ERBB4: variants seen among roughly 807,000 people sequenced by gnomAD.
ERBB4 encodes erb-b2 receptor tyrosine kinase 4.
Under a neutral mutation model 158.0 loss-of-function variants are expected in ERBB4, and 42 were observed. The observed-to-expected ratio is 0.27, with a 90% CI of 0.21 to 0.34. ERBB4 has a LOEUF of 0.34. ERBB4 is among the 10% of genes least tolerant of loss of function. The pLI is 1.00. For missense variants in ERBB4, 1,333 were observed against 1,624.1 expected (o/e 0.82, Z 3.08); for synonymous variants, 583 against 558.7 (o/e 1.04, Z -0.61).
rs1231417540 is a variant in ERBB4, at chr2:212,112,016, T to A, written c.234+12736A>T. On this transcript the variant is annotated intron_variant, in intron 2 of 27. Coordinates refer to ENST00000342788, the MANE Select transcript of ERBB4 (RefSeq NM_005235.3). ...ACATCTGCTGAATGTTTAATTCTTTTTTATTTTTATTTTATTTTAGAAACA... is the reference window on the plus strand; with the variant it reads ...ACATCTGCTGAATGTTTAATTCTTTATTATTTTTATTTTATTTTAGAAACA... 2.6e-5 allele frequency among the ~76,000 whole-genome samples: 4 copies of A among 152,170 alleles called. No homozygotes were observed. In the East Asian group the frequency reaches 7.7e-4, roughly 29 times the overall value.
chr2:211,441,727 T>C (rs1045199075), intron 20 of ERBB4, among the ~76,000 whole-genome samples: 5 of 152,132 alleles, frequency 3.3e-5, no homozygotes, highest in Admixed American at 2.0e-4. Flanking sequence ...CTCCTTACCA[T>C]GTCAGTGCTC....
chr2:212,306,047 T>C (rs1465787833), intron 1 of ERBB4, among the ~76,000 whole-genome samples: 1 of 151,486 alleles, frequency 6.6e-6, no homozygotes, highest in Non-Finnish European at 1.5e-5. Flanking sequence ...AAGTTGTCAA[T>C]ATTATATTCG....
intron 12 of ERBB4, among the ~76,000 whole-genome samples, chr2:211,693,129 G>A (rs1340159388): frequency 1.3e-5 from 2 of 152,128 alleles, no homozygotes; most frequent in East Asian, 1.9e-4. Context: ...ATAGGAGGAG[G>A]TGAGAGGCAG....
intron 2 of ERBB4, among the ~76,000 whole-genome samples, chr2:211,991,814 C>T (rs12987596): frequency 0.4 from 60,011 of 151,828 alleles, 11,930 homozygotes; most frequent in Admixed American, 0.46. Context: ...ATGTGCCTGG[C>T]GTCTGGATTT....
chr2:211,673,707 T>C (rs1189068058), intron 13 of ERBB4, among the ~76,000 whole-genome samples: 2 of 152,018 alleles, frequency 1.3e-5, no homozygotes, highest in Non-Finnish European at 2.9e-5. Flanking sequence ...TCCCAATCCT[T>C]GTCCTTCAAA....
intron 1 of ERBB4, among the ~76,000 whole-genome samples, chr2:212,273,761 A>G (rs1251554647): frequency 6.6e-6 from 1 of 151,794 alleles, no homozygotes; most frequent in African/African-American, 2.4e-5. Flanking sequence ...TATAAACTTC[A>G]CACCTTTGTA....
At chr2:211,653,842 T>C (rs745940832) in intron 16 of ERBB4, among the ~76,000 whole-genome samples, 7 of 151,726 alleles carry the variant, frequency 4.6e-5, no homozygotes, top group Non-Finnish European at 8.8e-5. Context: ...GCCCGGCTAA[T>C]TTTTTGTATT....
chr2:212,076,663 C>T (rs2078283307), intron 2 of ERBB4, among the ~76,000 whole-genome samples: 2 of 151,534 alleles, frequency 1.3e-5, no homozygotes, highest in East Asian at 3.9e-4. Context: ...TCACAGTTGG[C>T]AGGGTAAGAG....
At chr2:212,317,863 T>C (rs1421328738) in intron 1 of ERBB4, among the ~76,000 whole-genome samples, 2 of 151,368 alleles carry the variant, frequency 1.3e-5, no homozygotes, top group Non-Finnish European at 3.0e-5. Context: ...AATTAACCTA[T>C]GGAAAAAGAA....
intron 20 of ERBB4, among the ~76,000 whole-genome samples, chr2:211,498,825 C>A (rs990275568): frequency 2.0e-5 from 3 of 152,110 alleles, no homozygotes; most frequent in African/African-American, 7.2e-5. Context: ...GTAATGTGAA[C>A]TAAAGCACTA....
intron 3 of ERBB4, among the ~76,000 whole-genome samples, chr2:211,874,980 A>G (rs899284706): frequency 1.5e-5 from 2 of 135,186 alleles, no homozygotes; most frequent in African/African-American, 5.7e-5. Flanking sequence ...CCAAATGCCC[A>G]CTCTTTAAGC....
chr2:212,301,096 T>C (rs1302830639), intron 1 of ERBB4, among the ~76,000 whole-genome samples: 1 of 149,500 alleles, frequency 6.7e-6, no homozygotes, highest in Non-Finnish European at 1.5e-5. Flanking sequence ...TGGATCATTA[T>C]TGTTAGATGG....
At chr2:211,612,626 A>G (rs1574856980) in intron 19 of ERBB4, among the ~76,000 whole-genome samples, 1 of 152,034 alleles carries the variant, frequency 6.6e-6, no homozygotes, top group Non-Finnish European at 1.5e-5. Flanking sequence ...GTGAAGAGAA[A>G]GACTATTGGA....
intron 2 of ERBB4, among the ~76,000 whole-genome samples, chr2:211,957,719 C>A (rs1167910887): frequency 6.6e-6 from 1 of 152,072 alleles, no homozygotes; most frequent in African/African-American, 2.4e-5. Flanking sequence ...TCCAGAACTC[C>A]TTTTCAATAT....
intron 1 of ERBB4, among the ~76,000 whole-genome samples, chr2:212,365,312 A>C (rs2089846352): frequency 6.6e-6 from 1 of 151,724 alleles, no homozygotes. Flanking sequence ...AACGTTCTTT[A>C]CAGTTGTTTT....
intron 10 of ERBB4, 34 bp from the exon 11 acceptor site, chr2:211,704,228 T>A (rs2106046650): frequency 7.6e-7 from 1 of 1,310,860 alleles, no homozygotes; most frequent in South Asian, 1.2e-5. Context: ...TAAATCAGAA[T>A]ATCATTGTCT....
chr2:211,800,864 AAAAG>A (rs2076485025), intron 3 of ERBB4, among the ~76,000 whole-genome samples: 1 of 152,208 alleles, frequency 6.6e-6, no homozygotes, highest in Admixed American at 6.5e-5. Context: ...AAAGTGAATT[AAAAG>A]AAAGCCAATT....
intron 3 of ERBB4, among the ~76,000 whole-genome samples, chr2:211,858,263 G>A (rs16847102): frequency 0.15 from 22,478 of 152,092 alleles, 2,043 homozygotes; most frequent in African/African-American, 0.25. Flanking sequence ...GATGCACATA[G>A]TGAGAAAAAG....
At chr2:212,012,713 T>G (rs1356438261) in intron 2 of ERBB4, among the ~76,000 whole-genome samples, 1 of 151,762 alleles carries the variant, frequency 6.6e-6, no homozygotes, top group Non-Finnish European at 1.5e-5. Context: ...ATGCCCAAAC[T>G]TTTTGTTGTT....
Sources: gnomAD v4.1 joint callset for allele counts (sites outside exome capture counted in the v4.1 genomes callset) on GRCh38, gnomAD v4.1.1 for gene constraint, MANE v1.5 for transcripts, NCBI Gene and HGNC (gene_info 2026-07-23, HGNC 2026-07-21) for gene names.